Variants in ERICH3 observed in about 807,000 individuals in gnomAD.
The protein encoded by ERICH3 is glutamate rich 3.
Under a neutral mutation model 131.1 loss-of-function variants are expected in ERICH3, and 126 were observed. The observed-to-expected ratio is 0.96, with a 90% CI of 0.83 to 1.11. The LOEUF (loss-of-function observed/expected upper bound fraction) is 1.11, where lower values mean the gene tolerates loss of function less well. Ranked by LOEUF, ERICH3 falls within the 50% of genes most tolerant of loss-of-function variation. ERICH3 has a pLI of 0.00. For synonymous variants in ERICH3, 695 were observed against 644.6 expected, an observed-to-expected ratio of 1.08 and a Z score of -1.18; for missense variants, 2,050 against 1,810.7, an observed-to-expected ratio of 1.13 and a Z score of -2.40.
At chr1:74,601,178 C>T (rs1648113006) in intron 10 of ERICH3, among the ~76,000 whole-genome samples, 1 of 151,766 alleles carries the variant, frequency 6.6e-6, no homozygotes, top group African/African-American at 2.4e-5. Flanking sequence ...GAAGAATTTG[C>T]TTTATGTTGC....
At chr1:74,576,707 A>G (rs1296963909) in intron 13 of ERICH3, among the ~76,000 whole-genome samples, 188 bp downstream of exon 13, 6 of 152,178 alleles carry the variant, frequency 3.9e-5, no homozygotes, top group African/African-American at 1.2e-4. Flanking sequence ...TGACCATATG[A>G]TGAATAAATG....
intron 3 of ERICH3, 114 bp from the exon 4 acceptor site, chr1:74,643,212 G>A: frequency 2.9e-6 from 2 of 690,278 alleles, no homozygotes; most frequent in Non-Finnish European, 4.8e-6. Flanking sequence ...TCTTGTCATT[G>A]AGATGGAGAA....
At chr1:74,622,294 G>A (rs1042086125) in intron 7 of ERICH3, 4 of 152,232 alleles carry the variant, frequency 2.6e-5, no homozygotes, top group African/African-American at 4.8e-5. Context: ...TTGCCTGTTG[G>A]AAGGAAGAGC....
intron 1 of ERICH3, among the ~76,000 whole-genome samples, chr1:74,670,107 T>A (rs1260310252): frequency 6.6e-6 from 1 of 152,216 alleles, no homozygotes; most frequent in Non-Finnish European, 1.5e-5. Flanking sequence ...TGGGTGAATT[T>A]TAAGACATTT....
At chr1:74,579,618 C>T (rs1251610636) in intron 12 of ERICH3, 3 of 985,206 alleles carry the variant, frequency 3.0e-6, no homozygotes, top group Middle Eastern at 5.2e-4. Flanking sequence ...TTCACTTGGT[C>T]GTTTTTTCTC....
intron 1 of ERICH3, among the ~76,000 whole-genome samples, chr1:74,667,112 G>C (rs1646699680): frequency 2.6e-5 from 4 of 151,942 alleles, no homozygotes; most frequent in Admixed American, 2.6e-4. Flanking sequence ...TTAATTAAAA[G>C]CATAAATATA....
chr1:74,645,209 T>A (rs181445752), intron 3 of ERICH3, among the ~76,000 whole-genome samples: 1 of 152,136 alleles, frequency 6.6e-6, no homozygotes, highest in African/African-American at 2.4e-5. Context: ...CTACAGTATT[T>A]TTTTTTAATC....
intron 1 of ERICH3, among the ~76,000 whole-genome samples, chr1:74,650,543 C>T (rs974807511): frequency 6.6e-6 from 1 of 152,032 alleles, no homozygotes; most frequent in Non-Finnish European, 1.5e-5. Flanking sequence ...GTGGATAGTA[C>T]CAAATCCTAT....
At chr1:74,618,429 A>G (rs1053207904) in intron 8 of ERICH3, among the ~76,000 whole-genome samples, 2 of 152,194 alleles carry the variant, frequency 1.3e-5, no homozygotes, top group African/African-American at 4.8e-5. Flanking sequence ...CCACAGCATA[A>G]TGAGGAATGC....
chr1:74,619,054 G>A (rs923473921), intron 8 of ERICH3, among the ~76,000 whole-genome samples: 5 of 152,018 alleles, frequency 3.3e-5, no homozygotes, highest in Admixed American at 2.0e-4. Context: ...GGCAATCAAG[G>A]GCAAGCTGAG....
chr1:74,620,799 T>A lies in ERICH3; in HGVS notation c.935A>T (p.Lys312Ile). 1 of 1,613,552 alleles carries A rather than the reference T, an allele frequency of 6.2e-7. No individual in the cohort carries two copies. Residue 312 changes from lysine (K) to isoleucine (I), a missense_variant, in exon 8 of 15, where the codon AAA becomes ATA. Transcript: ENST00000326665. The part of the protein sequence containing the change: ...SDNPDFRDEI[K>I]VYQQHCGGEN... ...CCCACCACAGTGCTGCTGATAAACT[T>A]TAATTTCATCCCGGAAGTCAGGATT...
At chr1:74,651,003 C>T (rs1025196323) in intron 1 of ERICH3, among the ~76,000 whole-genome samples, 5 of 151,738 alleles carry the variant, frequency 3.3e-5, no homozygotes, top group Admixed American at 1.3e-4. Flanking sequence ...ATAGTCCAAA[C>T]GCAAAGCTGT....
intron 7 of ERICH3, 67 bp from the exon 8 acceptor site, chr1:74,620,981 T>C (rs10493546): frequency 0.48 from 603,503 of 1,248,974 alleles, 150,956 homozygotes; most frequent in Non-Finnish European, 0.51. Context: ...TACCTGACAT[T>C]GTAATATGAA....
At chr1:74,646,342 A>G (rs766616574) in intron 3 of ERICH3, among the ~76,000 whole-genome samples, 24 of 152,116 alleles carry the variant, frequency 1.6e-4, no homozygotes, top group Non-Finnish European at 2.9e-4. Flanking sequence ...TAGAGTAGCC[A>G]TTGTAAATGA....
At chr1:74,593,459 G>A (rs949783870) in intron 11 of ERICH3, among the ~76,000 whole-genome samples, 10 of 151,878 alleles carry the variant, frequency 6.6e-5, no homozygotes, top group Non-Finnish European at 1.2e-4. Flanking sequence ...TGTAAAATGG[G>A]GATAATTCTA....
At position 74,573,325 on chromosome 1, in the gene ERICH3, T is replaced by C. The variant is rs147392891; in HGVS notation, c.2385A>G (p.Ala795=). Residue 795 remains alanine (A), a synonymous_variant, in exon 14 of 15, where the codon GCA becomes GCG. Coordinates refer to ENST00000326665, the MANE Select transcript of ERICH3 (RefSeq NM_001002912.5). ...CAGCTCCTGCTTCTCCCCACAGTGCTGCCTCCCCTTTTCCCTGTACTATGT... is the reference window on the plus strand; with the variant it reads ...CAGCTCCTGCTTCTCCCCACAGTGCCGCCTCCCCTTTTCCCTGTACTATGT... ...DADIVQGKGE[A]ALWGEAGAVH... 63 of 1,607,242 alleles carry C rather than the reference T, an allele frequency of 3.9e-5. No individual in the cohort carries two copies. The African/African-American group carries it at 7.4e-4, about 19-fold the overall frequency.
At chr1:74,645,162 C>A (rs1409838092) in intron 3 of ERICH3, among the ~76,000 whole-genome samples, 1 of 151,974 alleles carries the variant, frequency 6.6e-6, no homozygotes, top group Non-Finnish European at 1.5e-5. Context: ...TCTGAACTCA[C>A]TCTATTCGTT....
At chr1:74,624,007 C>T (rs575138439) in intron 7 of ERICH3, 1 of 152,204 alleles carries the variant, frequency 6.6e-6, no homozygotes, top group South Asian at 2.1e-4. Flanking sequence ...ATAAGGATGA[C>T]GTCCTAGTGA....
intron 2 of ERICH3, among the ~76,000 whole-genome samples, chr1:74,648,851 C>G (rs1208232213): frequency 1.3e-5 from 2 of 152,070 alleles, no homozygotes; most frequent in Non-Finnish European, 2.9e-5. Flanking sequence ...CTGTGAATAT[C>G]AAAAGCAATA....
Sources: allele counts gnomAD v4.1 joint callset (sites outside exome capture counted in the v4.1 genomes callset), GRCh38; gene constraint gnomAD v4.1.1; transcripts MANE v1.5; gene names NCBI Gene and HGNC (gene_info 2026-07-23, HGNC 2026-07-21).